CPS1: variants seen among roughly 807,000 people sequenced by gnomAD.
CPS1 encodes carbamoyl-phosphate synthase [ammonia], mitochondrial.
In CPS1, 109 loss-of-function variants were observed where a neutral mutation model predicts 174.6. The ratio of observed to expected loss-of-function variants is 0.62; its 90% CI spans 0.53 to 0.73. CPS1 has a LOEUF of 0.73. CPS1 is among the 30% of genes least tolerant of loss of function. The pLI, the probability that CPS1 is intolerant of heterozygous loss-of-function variation, is 0.00. For synonymous variants in CPS1, 637 were observed against 632.0 expected (o/e 1.01, Z -0.12); for missense variants, 1,689 against 1,821.9 (o/e 0.93, Z 1.33).
intron 31 of CPS1, 99 bp downstream of exon 31, chr2:210,658,787 A>G (rs1250026827): frequency 8.4e-6 from 7 of 829,986 alleles, no homozygotes; most frequent in Non-Finnish European, 1.4e-5. Flanking sequence ...CCAGACAAAG[A>G]GCAACTGAGA....
Position 210,524,205 on chromosome 2 carries a change from C to T in CPS1, c.4-32514C>T, listed in dbSNP as rs1371382771. Among the ~76,000 whole-genome samples, 3 of 152,012 alleles carry T rather than the reference C, an allele frequency of 2.0e-5. No individual in the cohort carries two copies. The South Asian group carries it at 6.2e-4, about 32-fold the overall frequency. On this transcript the variant is annotated intron_variant, in intron 1 of 38. Transcript: ENST00000430249. ...TGGGTCTCTGACCATTCAGGGTTCT[C>T]AGTTTGAATCTGCCCCAGGCTTTGA...
intron 1 of CPS1, among the ~76,000 whole-genome samples, chr2:210,562,289 A>T (rs1265184981): frequency 6.6e-6 from 1 of 152,224 alleles, no homozygotes; most frequent in East Asian, 1.9e-4. Flanking sequence ...CTTATGTTTA[A>T]CCAAAGACCG....
chr2:210,579,787 T>C lies in CPS1; in HGVS notation c.528+17T>C, dbSNP rs1449147499. The C allele has an allele frequency of 1.9e-6, 3 of 1,600,824 alleles. No individual in the cohort carries two copies. Among genetic ancestry groups the C allele is most frequent in the Non-Finnish European group, 2.6e-6 (3 of 1,169,916 alleles). On this transcript the variant is annotated intron_variant, in intron 5 of 37. Coordinates refer to ENST00000233072, the MANE Select transcript of CPS1 (RefSeq NM_001875.5). ...CGGGATAAGGTATAATCATCATCTT[T>C]AGCCAAATCTATGTTTCTTCGGGTG... is the stretch of plus-strand genomic sequence containing the variant.
At chr2:210,480,601 T>A (rs77364632) in intron 1 of CPS1, among the ~76,000 whole-genome samples, 1,574 of 152,298 alleles carry the variant, frequency 0.01, 22 homozygotes, top group African/African-American at 0.036. Flanking sequence ...AAGAGAGATC[T>A]TGAGACTCCA....
chr2:210,623,045 G>GC (rs1699582043), intron 21 of CPS1, among the ~76,000 whole-genome samples: 1 of 151,990 alleles, frequency 6.6e-6, no homozygotes, highest in East Asian at 1.9e-4. Context: ...AAAGAAGATG[G>GC]CCAGCCTCTG....
chr2:210,513,045 GAT>G (rs199599170), intron 1 of CPS1, among the ~76,000 whole-genome samples: 10,180 of 25,428 alleles, frequency 0.4, 3,945 homozygotes, highest in South Asian at 0.58. Flanking sequence ...TATATATGGA[GAT>G]ATATATATAT....
chr2:210,487,769 C>T (rs148424887), intron 1 of CPS1, among the ~76,000 whole-genome samples: 146 of 151,748 alleles, frequency 9.6e-4, no homozygotes, highest in African/African-American at 3.4e-3. Context: ...TTCAAGTGTT[C>T]GGATAGTAAA....
Position 210,647,926 on chromosome 2 carries a change from T to C in CPS1, c.3205T>C (p.Tyr1069His), listed in dbSNP as rs768796044. 5 of 1,613,950 alleles carry C rather than the reference T, an allele frequency of 3.1e-6. No homozygotes were observed. Among genetic ancestry groups the C allele is most frequent in the Non-Finnish European group, 4.2e-6 (5 of 1,179,944 alleles). ...QIPNNLAVPL[Y>H]KNGVKIMGTS... ...TCCAAACAACCTGGCAGTTCCTCTA[T>C]ACAAGAATGGTGTCAAGATCATGGG... Residue 1069 changes from tyrosine to histidine, a missense_variant, in exon 26 of 38, where the codon TAC becomes CAC. Physicochemically the swap from Tyr to His is moderately conservative, Grantham distance 83 (BLOSUM62 2). Coordinates refer to ENST00000233072, the MANE Select transcript of CPS1 (RefSeq NM_001875.5).
chr2:210,505,450 C>T (rs1374309656), intron 1 of CPS1, among the ~76,000 whole-genome samples: 5 of 152,082 alleles, frequency 3.3e-5, no homozygotes, highest in African/African-American at 9.7e-5. Context: ...CAGTCTACTG[C>T]TCCCGGCGTG....
At chr2:210,548,313 C>CTT (rs1209892580) in intron 1 of CPS1, among the ~76,000 whole-genome samples, 3 of 151,978 alleles carry the variant, frequency 2.0e-5, no homozygotes, top group African/African-American at 7.2e-5. Flanking sequence ...TTTTTGAAAT[C>CTT]TTGACAGAGT....
intron 24 of CPS1, 128 bp from the exon 25 acceptor site, chr2:210,642,356 T>TA: frequency 8.8e-7 from 1 of 1,130,162 alleles, no homozygotes; most frequent in Non-Finnish European, 1.3e-6. Flanking sequence ...TATCTTGGAG[T>TA]TTAAAAAATT....
chr2:210,600,243 T>G (rs897857304), intron 14 of CPS1, among the ~76,000 whole-genome samples: 2 of 151,924 alleles, frequency 1.3e-5, no homozygotes, highest in African/African-American at 4.8e-5. Context: ...AATCTCATTA[T>G]AGAAATGGAC....
chr2:210,592,935 CCCGGGG>C lies in CPS1; in HGVS notation c.1146_1151del (p.Gly383_Pro384del). Reference sequence around the variant, plus strand: ...CTGTGCAGTTCCACCCAGAGGTCACCCCGGGGCCAATAGACACTGAGGTACGTCAAA... The same window carrying C: ...CTGTGCAGTTCCACCCAGAGGTCACCCCAATAGACACTGAGGTACGTCAAA... On this transcript the variant is annotated inframe_deletion, in exon 11 of 38. Coordinates refer to ENST00000233072, the MANE Select transcript of CPS1 (RefSeq NM_001875.5). The C allele has an allele frequency of 9.3e-6, 15 of 1,612,342 alleles. No homozygotes were observed. Among genetic ancestry groups the C allele is most frequent in the Non-Finnish European group, 1.2e-5 (14 of 1,178,934 alleles).
intron 28 of CPS1, among the ~76,000 whole-genome samples, chr2:210,653,393 T>G (rs189223301): frequency 1.2e-3 from 189 of 152,240 alleles, no homozygotes; most frequent in African/African-American, 4.3e-3. Flanking sequence ...AGATGAGAAG[T>G]GTCTGAAACA....
In CPS1 at chr2:210,593,257, A is replaced by G; in HGVS notation, c.1164+301A>G. On this transcript the variant is annotated intron_variant, in intron 11 of 37. Coordinates refer to ENST00000233072, the MANE Select transcript of CPS1 (RefSeq NM_001875.5). ...AATTTACAATTGTTGTACTATGCAA[A>G]TGAATTCCCTTTTGCTCTCTCTCGT... The G allele has an allele frequency of 1.4e-5, 11 of 779,392 alleles. 1 individual carries two copies. Among genetic ancestry groups the G allele is most frequent in the Middle Eastern group, 4.7e-4 (1 of 2,120 alleles). 48.3% of individuals were successfully genotyped at this position (779,392 alleles called of 1,614,324 possible).
intron 22 of CPS1, among the ~76,000 whole-genome samples, chr2:210,638,864 C>A (rs1434538142): frequency 6.6e-6 from 1 of 152,110 alleles, no homozygotes; most frequent in East Asian, 1.9e-4. Context: ...GGTAAGTCTT[C>A]CTAGTAACCA....
At chr2:210,556,429 C>T, upstream of CPS1, 1 of 597,578 alleles carries the variant, frequency 1.7e-6, no homozygotes, top group South Asian at 1.5e-5. Context: ...TGATGGATGG[C>T]TGGTTTTCTA....
Position 210,647,951 on chromosome 2 carries a change from G to T in CPS1, c.3230G>T (p.Gly1077Val). ...TACAAGAATGGTGTCAAGATCATGG[G>T]CACAAGCCCCCTGCAGATCGACAGG... Reference protein sequence around the residue: ...PLYKNGVKIMGTSPLQIDRAE... With the variant: ...PLYKNGVKIMVTSPLQIDRAE... Residue 1077 changes from glycine to valine, a missense_variant, in exon 26 of 38, where the codon GGC (glycine) becomes GTC (valine). Gly to Val is a moderately radical substitution (Grantham distance 109, BLOSUM62 -3). Coordinates refer to ENST00000233072, the MANE Select transcript of CPS1 (RefSeq NM_001875.5). The T allele has an allele frequency of 6.2e-7, 1 of 1,614,076 alleles. No homozygotes were observed. Among genetic ancestry groups the T allele is most frequent in the Non-Finnish European group, 8.5e-7 (1 of 1,179,956 alleles).
chr2:210,509,506 A>C (rs924753374), intron 1 of CPS1, among the ~76,000 whole-genome samples: 2 of 152,206 alleles, frequency 1.3e-5, no homozygotes, highest in African/African-American at 4.8e-5. Context: ...CTCCTATTCA[A>C]CATAGTGTTG....
Sources: gnomAD v4.1 joint callset for allele counts (sites outside exome capture counted in the v4.1 genomes callset) on GRCh38, gnomAD v4.1.1 for gene constraint, MANE v1.5 for transcripts, NCBI Gene and HGNC (gene_info 2026-07-23, HGNC 2026-07-21) for gene names.